Variants in TLK2 observed in about 807,000 individuals in gnomAD.
TLK2 encodes tousled like kinase 2.
In TLK2, 6 loss-of-function variants were observed where a neutral mutation model predicts 117.3. The ratio of observed to expected loss-of-function variants is 0.05; its 90% CI spans 0.03 to 0.10. The LOEUF (loss-of-function observed/expected upper bound fraction) is 0.10. Ranked by LOEUF, TLK2 falls within the 10% of genes least tolerant of loss-of-function variation. The pLI is 1.00. For missense variants in TLK2, 299 were observed against 901.2 expected (o/e 0.33, Z 8.56); for synonymous variants, 257 against 316.7 (o/e 0.81, Z 2.00).
At chr17:62,611,476 A>C (rs1280592605) in intron 21 of TLK2, among the ~76,000 whole-genome samples, 1 of 152,220 alleles carries the variant, frequency 6.6e-6, no homozygotes, top group African/African-American at 2.4e-5. Context: ...GAAAGTATAG[A>C]GTTCCCTTAT....
intron 11 of TLK2, among the ~76,000 whole-genome samples, chr17:62,567,108 G>A (rs2079857052): frequency 6.6e-6 from 1 of 152,058 alleles, no homozygotes; most frequent in South Asian, 2.1e-4. Context: ...CACACCTGTG[G>A]TCCCAGCTAC....
chr17:62,528,422 T>G (rs1312918032), intron 6 of TLK2, among the ~76,000 whole-genome samples: 1 of 152,166 alleles, frequency 6.6e-6, no homozygotes, highest in Non-Finnish European at 1.5e-5. Flanking sequence ...CATTTTAATT[T>G]ATGTTATTTT....
At chr17:62,574,743 T>C (rs2080631702) in intron 12 of TLK2, among the ~76,000 whole-genome samples, 1 of 152,170 alleles carries the variant, frequency 6.6e-6, no homozygotes, top group Non-Finnish European at 1.5e-5. Context: ...CTTGAACTCC[T>C]GACCTCAAAT....
intron 2 of TLK2, among the ~76,000 whole-genome samples, chr17:62,487,714 C>T (rs1313192171): frequency 7.0e-6 from 1 of 142,838 alleles, no homozygotes; most frequent in Non-Finnish European, 1.5e-5. Context: ...ACATCCGCCT[C>T]CCAGGTCCAA....
intron 10 of TLK2, among the ~76,000 whole-genome samples, chr17:62,561,878 A>G (rs888554539): frequency 2.6e-5 from 4 of 152,356 alleles, no homozygotes; most frequent in East Asian, 1.9e-4. Context: ...TCTAAATAGC[A>G]TACTACAAAA....
chr17:62,531,446 T>A (rs1250276691), intron 6 of TLK2, among the ~76,000 whole-genome samples: 12 of 152,252 alleles, frequency 7.9e-5, no homozygotes, highest in Non-Finnish European at 1.5e-4. Flanking sequence ...TTTTATTTTT[T>A]AAAATATGGT....
In TLK2 at chr17:62,506,220, A is replaced by G. The variant is rs537277841; in HGVS notation, c.82-14553A>G. On this transcript the variant is annotated intron_variant, in intron 2 of 21. Coordinates refer to ENST00000346027, the MANE Select transcript of TLK2 (RefSeq NM_006852.6). ...ATGAGATTGCCATGGCTTGGTGGAA[A>G]GCTCTCCCAACTGTCTTCTCCAGAC... Among the ~76,000 whole-genome samples the G allele has an allele frequency of 1.8e-4, 28 of 152,334 alleles. 2 individuals carry two copies. The South Asian group carries it at 5.6e-3, about 30-fold the overall frequency.
intron 2 of TLK2, among the ~76,000 whole-genome samples, chr17:62,500,684 A>G (rs1395261381): frequency 6.6e-6 from 1 of 152,220 alleles, no homozygotes; most frequent in East Asian, 1.9e-4. Flanking sequence ...CACATGGAAC[A>G]TTTACCAAAA....
Position 62,609,819 on chromosome 17 carries a change from A to T in TLK2, c.2079+1671A>T, listed in dbSNP as rs554119831. On this transcript the variant is annotated intron_variant, in intron 21 of 21. Transcript: ENST00000346027. ...AACAGAGACAAAAACATCTTCCTTA[A>T]AAGGTGTTAGTAGCTAGGTGCAGCG... Among the ~76,000 whole-genome samples, 26 of 152,314 alleles carry T rather than the reference A, an allele frequency of 1.7e-4. No homozygotes were observed. In the South Asian group the frequency reaches 5.4e-3, roughly 32 times the overall value.
intron 2 of TLK2, chr17:62,516,670 G>A (rs1203303712): frequency 6.8e-6 from 11 of 1,609,440 alleles, no homozygotes; most frequent in East Asian, 2.2e-5. Context: ...TGCCAGCTCC[G>A]GGTGCTTAGG....
intron 2 of TLK2, among the ~76,000 whole-genome samples, chr17:62,495,784 G>T (rs1235712368): frequency 6.6e-6 from 1 of 151,198 alleles, no homozygotes; most frequent in Non-Finnish European, 1.5e-5. Flanking sequence ...TCAGCCTCCC[G>T]AGTAGCTCGG....
At chr17:62,488,461 G>A (rs183596956) in intron 2 of TLK2, among the ~76,000 whole-genome samples, 2 of 152,000 alleles carry the variant, frequency 1.3e-5, no homozygotes, top group African/African-American at 2.4e-5. Flanking sequence ...TTAATTACAT[G>A]CCTGACAATT....
chr17:62,546,558 CTT>C (rs1283721556), intron 7 of TLK2, among the ~76,000 whole-genome samples: 21 of 131,142 alleles, frequency 1.6e-4, no homozygotes, highest in African/African-American at 4.4e-4. Context: ...CTTTTTCTTT[CTT>C]TTTTTTTTTT....
At chr17:62,611,566 A>C (rs960012548) in intron 21 of TLK2, among the ~76,000 whole-genome samples, 1 of 152,360 alleles carries the variant, frequency 6.6e-6, no homozygotes, top group East Asian at 1.9e-4. Flanking sequence ...CAATGAACCT[A>C]TCTGTACCGA....
chr17:62,579,622 A>G (rs749583635), intron 14 of TLK2, among the ~76,000 whole-genome samples: 2 of 152,214 alleles, frequency 1.3e-5, no homozygotes, highest in Non-Finnish European at 2.9e-5. Context: ...GAACACAGTT[A>G]TATCTGTCTT....
At chr17:62,551,158 T>G (rs2078430040) in intron 7 of TLK2, among the ~76,000 whole-genome samples, 1 of 152,196 alleles carries the variant, frequency 6.6e-6, no homozygotes, top group African/African-American at 2.4e-5. Context: ...ACAATGACAG[T>G]GAAACATTTA....
chr17:62,530,490 A>G (rs2076668878), intron 6 of TLK2, among the ~76,000 whole-genome samples: 1 of 152,198 alleles, frequency 6.6e-6, no homozygotes, highest in African/African-American at 2.4e-5. Context: ...AAGAAAAAAT[A>G]AGAATAAATT....
intron 12 of TLK2, chr17:62,574,412 T>A: frequency 7.9e-7 from 1 of 1,271,572 alleles, no homozygotes; most frequent in South Asian, 1.3e-5. Context: ...TTTACTTAGG[T>A]GAGATGAACA....
At chr17:62,528,969 G>A (rs1289351554) in intron 6 of TLK2, among the ~76,000 whole-genome samples, 1 of 152,074 alleles carries the variant, frequency 6.6e-6, no homozygotes, top group African/African-American at 2.4e-5. Flanking sequence ...TGGTTTTTGT[G>A]GTAATCATTT....
Sources: allele counts gnomAD v4.1 joint callset (sites outside exome capture counted in the v4.1 genomes callset), GRCh38; gene constraint gnomAD v4.1.1; transcripts MANE v1.5; gene names NCBI Gene and HGNC (gene_info 2026-07-23, HGNC 2026-07-21).